Variants in PCCA observed in about 807,000 individuals in gnomAD.
PCCA encodes the protein propionyl-CoA carboxylase subunit alpha.
In PCCA, 74 loss-of-function variants were observed where a neutral mutation model predicts 101.3. The observed-to-expected ratio is 0.73, with a 90% CI of 0.61 to 0.89. The LOEUF (loss-of-function observed/expected upper bound fraction) is 0.89, where lower values mean the gene tolerates loss of function less well. Among genes scored for constraint, PCCA ranks in the 40% least tolerant of loss-of-function variants. The pLI is 0.00. For synonymous variants in PCCA, 294 were observed against 313.6 expected, an observed-to-expected ratio of 0.94 and a Z score of 0.66; for missense variants, 891 against 907.0, an observed-to-expected ratio of 0.98 and a Z score of 0.23.
chr13:100,309,948 GT>G lies in PCCA; in HGVS notation c.1429+41del, dbSNP rs1308887350. The G allele has an allele frequency of 2.8e-6, 4 of 1,418,436 alleles. No homozygotes were observed. The African/African-American group carries it at 5.6e-5, about 20-fold the overall frequency. The allele number at this position is 1,418,436 out of a possible 1,614,324, so 87.9% of individuals were successfully genotyped here. On this transcript the variant is annotated intron_variant, in intron 16 of 23. Transcript: ENST00000376285. ...TTGCACTCGTTGGTTATTGTATATG[GT>G]GTCCAGTTCCAGAGAACAGCCTGGG...
chr13:100,211,343 T>G (rs1477373399), intron 7 of PCCA, among the ~76,000 whole-genome samples: 4 of 152,236 alleles, frequency 2.6e-5, no homozygotes, highest in Non-Finnish European at 4.4e-5. Flanking sequence ...TATCTTTCAC[T>G]TAATCTTTTC....
intron 18 of PCCA, among the ~76,000 whole-genome samples, chr13:100,359,303 C>G (rs2074311283): frequency 6.6e-6 from 1 of 151,894 alleles, no homozygotes; most frequent in African/African-American, 2.4e-5. Flanking sequence ...CTGTTTTTAT[C>G]GTGTTTATAC....
chr13:100,223,471 C>T (rs142599570), intron 7 of PCCA, among the ~76,000 whole-genome samples: 77 of 152,122 alleles, frequency 5.1e-4, no homozygotes, highest in Admixed American at 1.1e-3. Flanking sequence ...TCGTTCCTCC[C>T]GGTGGGCTTG....
chr13:100,109,701 A>G (rs1003801567), intron 2 of PCCA, among the ~76,000 whole-genome samples: 3 of 152,194 alleles, frequency 2.0e-5, no homozygotes, highest in Non-Finnish European at 4.4e-5. Context: ...GTTTTATCAC[A>G]TTAGAAGTTT....
intron 21 of PCCA, among the ~76,000 whole-genome samples, chr13:100,479,294 A>G (rs565821810): frequency 6.6e-6 from 1 of 152,302 alleles, no homozygotes; most frequent in South Asian, 2.1e-4. Flanking sequence ...GACTCCTGAG[A>G]GATTCTGATG....
At chr13:100,130,150 A>G (rs372792451) in intron 4 of PCCA, among the ~76,000 whole-genome samples, 1 of 152,202 alleles carries the variant, frequency 6.6e-6, no homozygotes, top group Admixed American at 6.5e-5. Context: ...AATTTATCCA[A>G]GTTACCCACT....
At chr13:100,493,634 T>C (rs777502912) in intron 21 of PCCA, among the ~76,000 whole-genome samples, 4 of 152,182 alleles carry the variant, frequency 2.6e-5, no homozygotes, top group Non-Finnish European at 4.4e-5. Context: ...TGGGGAAATA[T>C]AGAATTAGTC....
chr13:100,509,087 G>T (rs72661011), intron 21 of PCCA, among the ~76,000 whole-genome samples: 36,763 of 152,032 alleles, frequency 0.24, 5,330 homozygotes, highest in Middle Eastern at 0.38. Flanking sequence ...AACTAGACTT[G>T]CTAGTTTCTT....
chr13:100,252,072 C>A (rs1012398455), intron 8 of PCCA, among the ~76,000 whole-genome samples: 7 of 152,168 alleles, frequency 4.6e-5, no homozygotes, highest in African/African-American at 1.7e-4. Context: ...GCAATGCGTA[C>A]TATCTATGTA....
chr13:100,407,345 T>G (rs1567081178), intron 19 of PCCA, among the ~76,000 whole-genome samples: 1 of 152,230 alleles, frequency 6.6e-6, no homozygotes, highest in Non-Finnish European at 1.5e-5. Flanking sequence ...AAAGACAATT[T>G]TGAAACTGAA....
At chr13:100,501,529 A>C (rs926067693) in intron 21 of PCCA, among the ~76,000 whole-genome samples, 3 of 152,290 alleles carry the variant, frequency 2.0e-5, no homozygotes, top group African/African-American at 7.2e-5. Flanking sequence ...GTTCACCCAC[A>C]GTGTGGTCCT....
chr13:100,278,768 G>A (rs1245259944), intron 12 of PCCA, among the ~76,000 whole-genome samples: 2 of 152,138 alleles, frequency 1.3e-5, no homozygotes, highest in African/African-American at 2.4e-5. Context: ...GTGAGCCTCC[G>A]TGCCCATCCT....
intron 4 of PCCA, chr13:100,149,556 T>G (rs767859894): frequency 6.6e-6 from 1 of 152,232 alleles, no homozygotes; most frequent in Non-Finnish European, 1.5e-5. Context: ...TTAGATTTGG[T>G]GGATACTGAA....
At chr13:100,241,234 A>C (rs1281015977) in intron 8 of PCCA, among the ~76,000 whole-genome samples, 1 of 152,160 alleles carries the variant, frequency 6.6e-6, no homozygotes, top group East Asian at 1.9e-4. Context: ...TGTACTCATT[A>C]GTATGTACTT....
At chr13:100,257,781 C>G in intron 9 of PCCA, 108 bp downstream of exon 9, 1 of 766,732 alleles carries the variant, frequency 1.3e-6, no homozygotes, top group South Asian at 1.5e-5. Flanking sequence ...ATTACAGTAA[C>G]CATCTAATTT....
chr13:100,129,193 A>G (rs776517776), intron 4 of PCCA, among the ~76,000 whole-genome samples: 1 of 152,172 alleles, frequency 6.6e-6, no homozygotes, highest in Non-Finnish European at 1.5e-5. Context: ...TCCTTTTCAT[A>G]AATAATTTTG....
chr13:100,162,078 GTA>G (rs879884960), intron 6 of PCCA, among the ~76,000 whole-genome samples: 34 of 119,592 alleles, frequency 2.8e-4, no homozygotes, highest in East Asian at 1.9e-3. Flanking sequence ...ATGTGTGTCT[GTA>G]TGTGTGTGTG....
intron 17 of PCCA, among the ~76,000 whole-genome samples, chr13:100,339,215 C>G (rs1372893577): frequency 6.6e-6 from 1 of 151,674 alleles, no homozygotes; most frequent in Non-Finnish European, 1.5e-5. Context: ...AGGAAAATGA[C>G]AAGAAAAAAA....
chr13:100,401,384 C>T (rs2077352895), intron 19 of PCCA, among the ~76,000 whole-genome samples: 1 of 151,980 alleles, frequency 6.6e-6, no homozygotes, highest in Non-Finnish European at 1.5e-5. Flanking sequence ...GCTGGGACTA[C>T]AGGCGTGCAC....
Sources: gnomAD v4.1 joint callset for allele counts (sites outside exome capture counted in the v4.1 genomes callset) on GRCh38, gnomAD v4.1.1 for gene constraint, MANE v1.5 for transcripts, NCBI Gene and HGNC (gene_info 2026-07-23, HGNC 2026-07-21) for gene names.